Variants in SCN4A observed in about 807,000 individuals in gnomAD.
The protein encoded by SCN4A is sodium channel protein type 4 subunit alpha.
In SCN4A, 83 loss-of-function variants were observed where a neutral mutation model predicts 162.0. The observed-to-expected ratio is 0.51, with a 90% CI of 0.43 to 0.61. The LOEUF (loss-of-function observed/expected upper bound fraction) is 0.61. Among genes scored for constraint, SCN4A ranks in the 20% least tolerant of loss-of-function variants. The pLI is 0.00. For missense variants in SCN4A, 2,196 were observed against 2,462.5 expected (o/e 0.89, Z 2.29); for synonymous variants, 944 against 985.1 (o/e 0.96, Z 0.78).
chr17:63,971,594 G>T, intron 4 of SCN4A, 128 bp downstream of exon 4: 1 of 818,182 alleles, frequency 1.2e-6, no homozygotes, highest in Non-Finnish European at 1.9e-6. Flanking sequence ...CTAGAATTGT[G>T]CAGCTCCCCA....
chr17:63,971,699 G>C (rs1205822697), intron 4 of SCN4A, 23 bp downstream of exon 4: 1 of 1,563,368 alleles, frequency 6.4e-7, no homozygotes, highest in East Asian at 2.4e-5. Flanking sequence ...CCAGCCTCAG[G>C]ATGTCCTGGG....
Position 63,951,359 on chromosome 17 carries a change from A to T in SCN4A, c.2853+65T>A. 8.7e-7 allele frequency: 1 copy of T among 1,145,826 alleles called. No individual in the cohort carries two copies. The highest frequency in any genetic ancestry group is 1.2e-6 in the Non-Finnish European group (1 of 802,626). The allele number at this position is 1,145,826 out of a possible 1,614,324, so 71.0% of individuals were successfully genotyped here. A position where few individuals can be genotyped will look rare whatever the true frequency, so the allele number is the denominator to read the frequency against. On this transcript the variant is annotated intron_variant, in intron 14 of 23. Coordinates refer to ENST00000435607, the MANE Select transcript of SCN4A (RefSeq NM_000334.4). The surrounding 1 kb of genome is among the most constrained non-coding windows in gnomAD (Gnocchi z 4.5). ...AGAAACTGAGGCTCAGAGAGGACTT[A>T]GGGCTTGCTCCAGGTCACAGGAGAA...
chr17:63,972,475 G>T lies in SCN4A; in HGVS notation c.274-5C>A. On this transcript the variant is annotated splice_polypyrimidine_tract_variant and splice_region_variant and intron_variant, in intron 1 of 23. Transcript: ENST00000435607. This position sits in a 1 kb window ranked among gnomAD's most constrained non-coding sequence, Gnocchi z 4.3. ...CTTGTTGAGTACGATGAAGGTCTAAGGTGGGAGAGAGGCTGTGAGACCCAG... is the reference window on the plus strand; with the variant it reads ...CTTGTTGAGTACGATGAAGGTCTAATGTGGGAGAGAGGCTGTGAGACCCAG... The T allele has an allele frequency of 6.2e-7, 1 of 1,613,302 alleles. No homozygotes were observed. The highest frequency in any genetic ancestry group is 2.2e-5 in the East Asian group (1 of 44,866).
rs368222871 is a variant in SCN4A, at chr17:63,944,310, C to CT, written c.3912+362dup. On this transcript the variant is annotated intron_variant, in intron 21 of 23. Coordinates refer to ENST00000435607, the MANE Select transcript of SCN4A (RefSeq NM_000334.4). This position sits in a 1 kb window ranked among gnomAD's most constrained non-coding sequence, Gnocchi z 4.3. ...GCCTGCCACCACGCCTGGCTAATTT[C>CT]TTTTTTTAATTTTTTTTGTATTTTT... Among the ~76,000 whole-genome samples, 471 of 152,078 alleles carry CT rather than the reference C, an allele frequency of 3.1e-3. 2 individuals are homozygous for CT. Among genetic ancestry groups the CT allele is most frequent in the African/African-American group, 0.01 (428 of 41,486 alleles).
Position 63,948,779 on chromosome 17 carries a change from G to A in SCN4A, c.2990-14C>T. The A allele has an allele frequency of 6.3e-7, 1 of 1,589,492 alleles. No individual in the cohort carries two copies. Among genetic ancestry groups the A allele is most frequent in the Non-Finnish European group, 8.6e-7 (1 of 1,164,328 alleles). On this transcript the variant is annotated splice_polypyrimidine_tract_variant and intron_variant, in intron 15 of 23. Transcript: ENST00000435607. ...GCTGCACGCAGGCTGATGGGGTGAG[G>A]GGGGACAGGGACAGGCACCACATCA...
At position 63,940,698 on chromosome 17, in the gene SCN4A, C is replaced by T. The variant is rs1470593760; in HGVS notation, c.*73G>A. On this transcript the variant is annotated 3_prime_UTR_variant, in exon 24 of 24. Coordinates refer to ENST00000435607, the MANE Select transcript of SCN4A (RefSeq NM_000334.4). ...CCAGATTCAAAGCCCTCCTCCCTCA[C>T]TCTGTGTGCAGGCACCACGGGGGAG... is the stretch of plus-strand genomic sequence containing the variant. 1.3e-6 allele frequency: 2 copies of T among 1,493,978 alleles called. No individual in the cohort carries two copies. The highest frequency in any genetic ancestry group is 2.3e-5 in the East Asian group (1 of 43,790). 92.5% of individuals were successfully genotyped at this position (1,493,978 alleles called of 1,614,324 possible). A position where few individuals can be genotyped will look rare whatever the true frequency, so the allele number is the denominator to read the frequency against.
Position 63,940,880 on chromosome 17 carries a change from G to T in SCN4A, c.5402C>A (p.Ala1801Asp), listed in dbSNP as rs1784742613. Reference protein sequence around the residue: ...SPEEKGEAGDAGPTMGLMPIS... With the variant: ...SPEEKGEAGDDGPTMGLMPIS... ...GGGCATCAGCCCCATAGTGGGTCCG[G>T]CGTCCCCTGCCTCGCCCTTCTCCTC... The change falls in exon 24 of 24, where the codon GCC becomes GAC. Residue 1801 changes from alanine (A) to aspartate (D), a missense_variant. Ala to Asp is a moderately radical substitution (Grantham distance 126, BLOSUM62 -2). Transcript: ENST00000435607. 1 of 1,613,676 alleles carries T rather than the reference G, an allele frequency of 6.2e-7. No homozygotes were observed. Among genetic ancestry groups the T allele is most frequent in the African/African-American group, 1.3e-5 (1 of 74,934 alleles).
intron 21 of SCN4A, 27 bp from the exon 22 acceptor site, chr17:63,943,877 T>C (rs1287771711): frequency 6.8e-7 from 1 of 1,463,838 alleles, no homozygotes; most frequent in Non-Finnish European, 9.6e-7. Context: ...CTTGTCAGGT[T>C]GAGGTGCAGT....
Position 63,968,423 on chromosome 17 carries a change from C to G in SCN4A, c.704-68G>C, listed in dbSNP as rs1263448978. 30 of 1,352,940 alleles carry G rather than the reference C, an allele frequency of 2.2e-5. No homozygotes were observed. In the Admixed American group the frequency reaches 6.3e-4, roughly 28 times the overall value. 83.8% of individuals were successfully genotyped at this position (1,352,940 alleles called of 1,614,324 possible). ...GGGTGATAACAGAGCCCCCGCGGCC[C>G]CCACCGCCAAGCTTTTTCCTACTCC... On this transcript the variant is annotated intron_variant, in intron 5 of 23. Transcript: ENST00000435607.
chr17:63,958,704 C>A (rs1464479499), intron 12 of SCN4A, among the ~76,000 whole-genome samples: 1 of 152,190 alleles, frequency 6.6e-6, no homozygotes, highest in Non-Finnish European at 1.5e-5. Flanking sequence ...AGGCGTGCGC[C>A]ACCAAGCCCA....
At chr17:63,948,835 C>G in intron 15 of SCN4A, 70 bp from the exon 16 acceptor site, 1 of 1,408,180 alleles carries the variant, frequency 7.1e-7, no homozygotes, top group Non-Finnish European at 9.6e-7. Flanking sequence ...GGTGCACAGT[C>G]AGCGCCCTCC....
rs922455257 is a variant in SCN4A at position 63,943,847 on chromosome 17, C to T, written c.3916G>A (p.Gly1306Arg). The change falls in exon 22 of 24, where the codon GGG becomes AGG. Residue 1306 changes from glycine (G) to arginine (R), a missense_variant. Transcript: ENST00000435607. ...DNFNQQKKKL[G>R]GKDIFMTEEQ... ...TCCGTCATAAAGATGTCTTTCCCCC[C>T]TAAGTATAGTGGGATAGGGCTTGTC... The T allele has an allele frequency of 6.3e-7, 1 of 1,599,380 alleles. No individual in the cohort carries two copies. Among genetic ancestry groups the T allele is most frequent in the Non-Finnish European group, 8.6e-7 (1 of 1,166,634 alleles).
chr17:63,972,892 C>T lies in SCN4A; in HGVS notation c.-51G>A. On this transcript the variant is annotated 5_prime_UTR_variant, in exon 1 of 24. Transcript: ENST00000435607. This position sits in a 1 kb window ranked among gnomAD's most constrained non-coding sequence, Gnocchi z 4.3. ...GAAGGGTGGTGGGTGGCCTGGGGAGCTGCAGTGCGCAGCCCCGGGGTGCTG... is the reference window on the plus strand; with the variant it reads ...GAAGGGTGGTGGGTGGCCTGGGGAGTTGCAGTGCGCAGCCCCGGGGTGCTG... The T allele has an allele frequency of 6.5e-7, 1 of 1,548,430 alleles. No homozygotes were observed. Among genetic ancestry groups the T allele is most frequent in the Non-Finnish European group, 8.7e-7 (1 of 1,148,478 alleles).
At position 63,968,600 on chromosome 17, in the gene SCN4A, C is replaced by T. The variant is rs544455608; in HGVS notation, c.704-245G>A. ...GAATGAACTATAAAGACCTGATGGG[C>T]TGTTGCCTGACCTATAGAGCAAACA... is the stretch of plus-strand genomic sequence containing the variant. On this transcript the variant is annotated intron_variant, in intron 5 of 23. Transcript: ENST00000435607. Among the ~76,000 whole-genome samples the T allele has an allele frequency of 1.9e-3, 295 of 152,328 alleles. 1 individual carries two copies. Among genetic ancestry groups the T allele is most frequent in the African/African-American group, 6.4e-3 (267 of 41,574 alleles).
rs1284144521 is a variant in SCN4A, at chr17:63,943,773, C to A, written c.3990G>T (p.Lys1330Asn). ...GGGGCCGGGGAATTGGCTTCTGAGG[C>A]TTCTTGGAGCCAAGCTTCTTCATGG... Reference protein sequence around the residue: ...YNAMKKLGSKKPQKPIPRPQN... With the variant: ...YNAMKKLGSKNPQKPIPRPQN... The change falls in exon 22 of 24, where the codon AAG (lysine) becomes AAT (asparagine). Residue 1330 changes from lysine (K) to asparagine (N), a missense_variant. Transcript: ENST00000435607. 6.2e-7 allele frequency: 1 copy of A among 1,612,774 alleles called. No homozygotes were observed. Among genetic ancestry groups the A allele is most frequent in the South Asian group, 1.1e-5 (1 of 91,052 alleles).
At chr17:63,949,748 G>C in intron 14 of SCN4A, 1 of 485,886 alleles carries the variant, frequency 2.1e-6, no homozygotes, top group South Asian at 3.2e-5. Context: ...GGAGTGGGGC[G>C]GGGCTGATGC....
intron 18 of SCN4A, 45 bp downstream of exon 18, chr17:63,947,000 G>T: frequency 6.6e-7 from 1 of 1,508,496 alleles, no homozygotes. Context: ...GAAGGTGGCC[G>T]GTCCCCCATC....
intron 22 of SCN4A, among the ~76,000 whole-genome samples, chr17:63,943,305 G>A: frequency 6.7e-6 from 1 of 150,358 alleles, no homozygotes; most frequent in Non-Finnish European, 1.5e-5. Context: ...ATCATGACAG[G>A]TCTGGGACCA....
chr17:63,948,728 G>A lies in SCN4A; in HGVS notation c.3027C>T (p.Ile1009=), dbSNP rs750690287. 3.8e-5 allele frequency: 62 copies of A among 1,613,054 alleles called. 1 individual carries two copies. In the South Asian group the frequency reaches 6.5e-4, roughly 17 times the overall value. ...ACCACTTCTTCCCACGGCCCTGGGA[G>A]ATGTCCACGTAGAGGCAGGGCCAGC... is the stretch of plus-strand genomic sequence containing the variant. ...VQRWPCLYVD[I]SQGRGKKWWT... Residue 1009 remains isoleucine, a synonymous_variant, in exon 16 of 24, where the codon ATC becomes ATT. Coordinates refer to ENST00000435607, the MANE Select transcript of SCN4A (RefSeq NM_000334.4).
Sources: allele counts gnomAD v4.1 joint callset (sites outside exome capture counted in the v4.1 genomes callset), GRCh38; gene constraint gnomAD v4.1.1; non-coding constraint Gnocchi (gnomAD v3.1); transcripts MANE v1.5; gene names NCBI Gene and HGNC (gene_info 2026-07-23, HGNC 2026-07-21).